The following HMBOX1 variants were observed in gnomAD, a reference collection of about 807,000 sequenced individuals.
HMBOX1 encodes the protein homeobox-containing protein 1.
HMBOX1 carries 14 observed loss-of-function variants against 54.5 expected under a neutral mutation model. The observed-to-expected ratio is 0.26, with a 90% CI of 0.17 to 0.40. The LOEUF (loss-of-function observed/expected upper bound fraction) is 0.40, where lower values mean the gene tolerates loss of function less well. Ranked by LOEUF, HMBOX1 falls within the 10% of genes least tolerant of loss-of-function variation. The pLI, the probability that HMBOX1 is intolerant of heterozygous loss-of-function variation, is 1.00. For synonymous variants in HMBOX1, 160 were observed against 181.0 expected (o/e 0.88, Z 0.93); for missense variants, 332 against 514.4 (o/e 0.65, Z 3.43).
At chr8:29,040,737 A>G (rs1028564140) in intron 6 of HMBOX1, among the ~76,000 whole-genome samples, 9 of 152,164 alleles carry the variant, frequency 5.9e-5, no homozygotes, top group African/African-American at 1.7e-4. Flanking sequence ...TATTGAATCA[A>G]TTCTTATTTT....
intron 5 of HMBOX1, among the ~76,000 whole-genome samples, chr8:29,015,563 T>C (rs2132939992): frequency 6.6e-6 from 1 of 152,332 alleles, no homozygotes; most frequent in Non-Finnish European, 1.5e-5. Flanking sequence ...AGAAAAGCAC[T>C]ATAAGACTGT....
At chr8:28,895,346 G>T (rs1417634675) in intron 1 of HMBOX1, among the ~76,000 whole-genome samples, 1 of 152,124 alleles carries the variant, frequency 6.6e-6, no homozygotes, top group East Asian at 1.9e-4. Flanking sequence ...GCTGAAACAG[G>T]GATGACTTAA....
chr8:28,919,156 A>T (rs953464729), intron 1 of HMBOX1, among the ~76,000 whole-genome samples: 4 of 152,128 alleles, frequency 2.6e-5, no homozygotes, highest in African/African-American at 9.7e-5. Flanking sequence ...TATGTTTTTG[A>T]CTGTGCCTTT....
At chr8:28,929,925 C>T (rs955687875) in intron 1 of HMBOX1, among the ~76,000 whole-genome samples, 8 of 143,918 alleles carry the variant, frequency 5.6e-5, no homozygotes, top group African/African-American at 1.6e-4. Context: ...TCTAACACCC[C>T]GCCCCCCGCC....
Position 28,918,721 on chromosome 8 carries a change from G to A in HMBOX1, c.-58+28043G>A, listed in dbSNP as rs567995929. ...AACATCATTTTACCACCAGCACGCC[G>A]AGTTTAAGTGCTTCCCACCTTCCAT... is the stretch of plus-strand genomic sequence containing the variant. On this transcript the variant is annotated intron_variant, in intron 1 of 9. Coordinates refer to ENST00000287701, the MANE Select transcript of HMBOX1 (RefSeq NM_001135726.3). 3.7e-4 allele frequency among the ~76,000 whole-genome samples: 57 copies of A among 152,252 alleles called. No homozygotes were observed. The South Asian group carries it at 0.011, about 30-fold the overall frequency.
At chr8:28,899,981 T>G (rs975337342) in intron 1 of HMBOX1, among the ~76,000 whole-genome samples, 6 of 152,100 alleles carry the variant, frequency 3.9e-5, no homozygotes, top group African/African-American at 1.4e-4. Context: ...CTGGGCGCAG[T>G]GGCTCACACC....
At chr8:29,047,692 C>T (rs1004853185) in intron 8 of HMBOX1, among the ~76,000 whole-genome samples, 8 of 151,736 alleles carry the variant, frequency 5.3e-5, no homozygotes, top group African/African-American at 9.7e-5. Context: ...CTCAGCCTCC[C>T]GAGTAGCTGG....
At chr8:29,044,786 G>A (rs1805337129) in intron 6 of HMBOX1, among the ~76,000 whole-genome samples, 1 of 152,006 alleles carries the variant, frequency 6.6e-6, no homozygotes. Context: ...CTGGGTCAGT[G>A]GACAGAACTC....
intron 1 of HMBOX1, among the ~76,000 whole-genome samples, chr8:28,943,869 ACTT>A (rs1448459052): frequency 3.9e-5 from 6 of 152,166 alleles, no homozygotes; most frequent in Admixed American, 3.3e-4. Flanking sequence ...CAGATGCTGC[ACTT>A]CTTCTGTAAA....
chr8:28,956,146 A>C (rs1563462171), intron 1 of HMBOX1, among the ~76,000 whole-genome samples: 1 of 152,114 alleles, frequency 6.6e-6, no homozygotes, highest in Non-Finnish European at 1.5e-5. Context: ...AGACCAATGA[A>C]ATATGGTAGT....
chr8:28,892,105 A>G (rs1305488065), intron 1 of HMBOX1, among the ~76,000 whole-genome samples: 2 of 152,068 alleles, frequency 1.3e-5, no homozygotes. Context: ...AGTTTGTGCT[A>G]ATATGGTTGT....
chr8:28,938,162 TA>T (rs749505199), intron 1 of HMBOX1, among the ~76,000 whole-genome samples: 13 of 152,350 alleles, frequency 8.5e-5, no homozygotes, highest in South Asian at 2.1e-4. Flanking sequence ...CAGGAATCTA[TA>T]TGTTAAAAAC....
intron 4 of HMBOX1, among the ~76,000 whole-genome samples, chr8:28,993,651 G>A (rs1195756310): frequency 4.6e-5 from 7 of 151,906 alleles, no homozygotes; most frequent in Admixed American, 3.9e-4. Flanking sequence ...TATAAGTTCT[G>A]TATTAAAAAA....
At chr8:29,006,653 T>C (rs1294696205) in intron 4 of HMBOX1, among the ~76,000 whole-genome samples, 2 of 152,204 alleles carry the variant, frequency 1.3e-5, no homozygotes, top group African/African-American at 4.8e-5. Context: ...AAAACATTAA[T>C]TTTAAAGCCT....
In HMBOX1 at chr8:28,930,435, C is replaced by T. The variant is rs532306338; in HGVS notation, c.-57-33376C>T. ...TAATGATGGAGTATTCCATCTTAGA[C>T]GTGTAGATACTGCTGCTAGATATTT... On this transcript the variant is annotated intron_variant, in intron 1 of 9. Transcript: ENST00000287701. Among the ~76,000 whole-genome samples, 228 of 152,284 alleles carry T rather than the reference C, an allele frequency of 1.5e-3. 3 individuals carry two copies. Among genetic ancestry groups the T allele is most frequent in the African/African-American group, 5.1e-3 (211 of 41,548 alleles).
intron 3 of HMBOX1, among the ~76,000 whole-genome samples, chr8:28,974,057 GC>G (rs1233306509): frequency 2.0e-5 from 3 of 151,770 alleles, no homozygotes; most frequent in African/African-American, 7.3e-5. Flanking sequence ...CAAGTGATCC[GC>G]CCACCTTGGC....
At chr8:28,903,797 A>G (rs1233198712) in intron 1 of HMBOX1, among the ~76,000 whole-genome samples, 2 of 152,238 alleles carry the variant, frequency 1.3e-5, no homozygotes, top group Non-Finnish European at 2.9e-5. Flanking sequence ...TAATCAAAAT[A>G]TATAGACATA....
chr8:28,947,259 G>C (rs1822633840), intron 1 of HMBOX1, among the ~76,000 whole-genome samples: 1 of 152,180 alleles, frequency 6.6e-6, no homozygotes. Context: ...TCCTTGAGTT[G>C]CTTACAGTAT....
At chr8:28,901,202 T>A (rs954779004) in intron 1 of HMBOX1, among the ~76,000 whole-genome samples, 3 of 152,208 alleles carry the variant, frequency 2.0e-5, no homozygotes, top group Non-Finnish European at 4.4e-5. Flanking sequence ...TTTAGAATTC[T>A]CTATTTGTTG....
Sources: allele counts gnomAD v4.1 joint callset (sites outside exome capture counted in the v4.1 genomes callset), GRCh38; gene constraint gnomAD v4.1.1; transcripts MANE v1.5; gene names NCBI Gene and HGNC (gene_info 2026-07-23, HGNC 2026-07-21).